The following ATP13A3 variants were observed in gnomAD, a reference collection of about 807,000 sequenced individuals.
ATP13A3 encodes the protein polyamine-transporting ATPase 13A3.
A neutral mutation model predicts 158.1 loss-of-function variants in ATP13A3; 59 were observed. The ratio of observed to expected loss-of-function variants is 0.37; its 90% CI spans 0.30 to 0.46. The LOEUF is 0.46. Among genes scored for constraint, ATP13A3 ranks in the 20% least tolerant of loss-of-function variants. The pLI, the probability that ATP13A3 is intolerant of heterozygous loss-of-function variation, is 1.00. For synonymous variants in ATP13A3, 491 were observed against 504.3 expected (o/e 0.97, Z 0.35); for missense variants, 1,166 against 1,525.2 (o/e 0.76, Z 3.92).
intron 33 of ATP13A3, 45 bp downstream of exon 33, chr3:194,412,154 G>T: frequency 7.1e-7 from 1 of 1,415,458 alleles, no homozygotes; most frequent in Non-Finnish European, 9.6e-7. Flanking sequence ...CAAGCAGAGA[G>T]CCTAGAGAGG....
intron 8 of ATP13A3, among the ~76,000 whole-genome samples, chr3:194,455,034 T>C (rs1719124005): frequency 6.6e-6 from 1 of 152,222 alleles, no homozygotes; most frequent in African/African-American, 2.4e-5. Context: ...TATTTCCAAT[T>C]ACTGTGCTCT....
intron 2 of ATP13A3, among the ~76,000 whole-genome samples, chr3:194,482,881 G>A (rs1394827520): frequency 6.6e-6 from 1 of 152,106 alleles, no homozygotes; most frequent in Non-Finnish European, 1.5e-5. Flanking sequence ...GCCGAGGCAG[G>A]CGGATCACAA....
At chr3:194,421,143 A>ATAC in intron 30 of ATP13A3, among the ~76,000 whole-genome samples, 1 of 48,700 alleles carries the variant, frequency 2.1e-5, no homozygotes, top group African/African-American at 1.8e-4. Context: ...TATAGTATAT[A>ATAC]TATATATATA....
intron 10 of ATP13A3, chr3:194,450,903 T>C (rs980793269): frequency 1.3e-5 from 2 of 152,170 alleles, no homozygotes; most frequent in Non-Finnish European, 2.9e-5. Flanking sequence ...AAAAAGATCT[T>C]CCCTCTGGTA....
rs1721166793 is a variant in ATP13A3 at position 194,493,338 on chromosome 3, C to T, written n.746+712G>A. On this transcript the variant is annotated intron_variant and non_coding_transcript_variant, in intron 2 of 32. Transcript: ENST00000687055. ...CAGATATCATCTCTAAATGCCTTCCCTGACTCCCAGGCTAAGAATCCCTCT... is the reference window on the plus strand; with the variant it reads ...CAGATATCATCTCTAAATGCCTTCCTTGACTCCCAGGCTAAGAATCCCTCT... 2.0e-5 allele frequency among the ~76,000 whole-genome samples: 3 copies of T among 152,096 alleles called. No homozygotes were observed. The South Asian group carries it at 6.2e-4, about 32-fold the overall frequency.
chr3:194,476,698 A>G (rs926208165), intron 2 of ATP13A3, among the ~76,000 whole-genome samples: 14 of 151,898 alleles, frequency 9.2e-5, no homozygotes, highest in Admixed American at 9.2e-4. Flanking sequence ...ATAAAACTTC[A>G]GTAGCTTCCC....
At chr3:194,471,304 C>T (rs1033481327) in intron 2 of ATP13A3, among the ~76,000 whole-genome samples, 12 of 128,556 alleles carry the variant, frequency 9.3e-5, no homozygotes, top group African/African-American at 3.7e-4. Flanking sequence ...TATAATACAG[C>T]GTTAAGTAGC....
At chr3:194,492,272 TCC>T (rs1721155445) in intron 2 of ATP13A3, among the ~76,000 whole-genome samples, 1 of 152,072 alleles carries the variant, frequency 6.6e-6, no homozygotes, top group Admixed American at 6.6e-5. Context: ...TTCTTTCCCT[TCC>T]CTTTTTTTCT....
rs533606238 is a variant in ATP13A3, at chr3:194,419,860, T to G, written c.3402+19A>C. 30 of 1,554,280 alleles carry G rather than the reference T, an allele frequency of 1.9e-5. No individual in the cohort carries two copies. In the African/African-American group the frequency reaches 3.7e-4, roughly 19 times the overall value. ...AGGTTAGTCTTTTTCCCCAAACAAA[T>G]GATGTGCTTAAGTCTTACCTGAAGA... On this transcript the variant is annotated intron_variant, in intron 31 of 33. Transcript: ENST00000645319.
In ATP13A3 at chr3:194,447,113, T is replaced by C. The variant is rs911568720; in HGVS notation, c.1311A>G (p.Val437=). ...YTIINSILNE[V]QVGVIIIESL... is the part of the protein sequence containing the mutation. ...ACTCGATAATTATGACCCCAACTTG[T>C]ACCTACAATTAACACAAAAATAAAT... is the stretch of plus-strand genomic sequence containing the variant. The change falls in exon 14 of 34, where the codon GTA becomes GTG. Residue 437 remains valine (V), a splice_region_variant and synonymous_variant. Coordinates refer to ENST00000645319, the MANE Select transcript of ATP13A3 (RefSeq NM_001367549.1). 3 of 1,600,284 alleles carry C rather than the reference T, an allele frequency of 1.9e-6. No homozygotes were observed.
intron 28 of ATP13A3, among the ~76,000 whole-genome samples, chr3:194,428,465 T>A (rs1160586872): frequency 6.6e-6 from 1 of 152,134 alleles, no homozygotes; most frequent in Non-Finnish European, 1.5e-5. Flanking sequence ...ATAAAGGACA[T>A]TGTTGACACA....
In ATP13A3 at chr3:194,457,144, T is replaced by C. The variant is rs1181621575; in HGVS notation, c.510A>G (p.Ser170=). The part of the protein sequence containing the change: ...KGLDEGVSCT[S]IYEKHSAGLT... ...GTCCTGCACTATGCTTTTCATAAAT[T>C]GACGTACAAGAAACACCTTCATCCA... is the stretch of plus-strand genomic sequence containing the variant. Residue 170 remains serine (S), a synonymous_variant, in exon 7 of 34, where the codon TCA becomes TCG. Coordinates refer to ENST00000645319, the MANE Select transcript of ATP13A3 (RefSeq NM_001367549.1). 4 of 1,613,590 alleles carry C rather than the reference T, an allele frequency of 2.5e-6. No homozygotes were observed. The highest frequency in any genetic ancestry group is 3.4e-6 in the Non-Finnish European group (4 of 1,179,674).
At position 194,447,835 on chromosome 3, in the gene ATP13A3, G is replaced by A; in HGVS notation, c.1308+17C>T. The A allele has an allele frequency of 6.3e-7, 1 of 1,589,810 alleles. No homozygotes were observed. Among genetic ancestry groups the A allele is most frequent in the Non-Finnish European group, 8.6e-7 (1 of 1,160,698 alleles). ...ATAATTGAGGTTCAAACCCTATTAA[G>A]AGTCCCACATACATACCTCATTTAA... On this transcript the variant is annotated intron_variant, in intron 13 of 33. Transcript: ENST00000645319.
At chr3:194,457,766 C>T (rs1719333042) in intron 6 of ATP13A3, among the ~76,000 whole-genome samples, 1 of 151,426 alleles carries the variant, frequency 6.6e-6, no homozygotes, top group African/African-American at 2.4e-5. Flanking sequence ...CTACTTTTTC[C>T]CAAAATATCT....
In ATP13A3 at chr3:194,459,332, G is replaced by A. The variant is rs545999466; in HGVS notation, c.479+139C>T. 19 of 660,984 alleles carry A rather than the reference G, an allele frequency of 2.9e-5. No homozygotes were observed. The East Asian group carries it at 4.5e-4, about 16-fold the overall frequency. 40.9% of individuals were successfully genotyped at this position (660,984 alleles called of 1,614,324 possible). On this transcript the variant is annotated intron_variant, in intron 6 of 33. Transcript: ENST00000645319. ...GCTAATGAGCCTTCAAACAGCAACA[G>A]GGAGTTGTTAATTAATACGTGAATA... is the stretch of plus-strand genomic sequence containing the variant.
Position 194,437,091 on chromosome 3 carries a change from T to A in ATP13A3, c.2120+4A>T, listed in dbSNP as rs1205387440. On this transcript the variant is annotated splice_donor_region_variant and intron_variant, in intron 20 of 33. Transcript: ENST00000645319. ...GGGAAACTAGGAAAGCCGTTCAACC[T>A]CACCTGCTAATATTCTGTACTTTAT... The A allele has an allele frequency of 6.2e-7, 1 of 1,613,290 alleles. No individual in the cohort carries two copies. The highest frequency in any genetic ancestry group is 8.5e-7 in the Non-Finnish European group (1 of 1,179,798).
At chr3:194,464,000 A>C (rs1362701884) in intron 2 of ATP13A3, among the ~76,000 whole-genome samples, 1 of 152,178 alleles carries the variant, frequency 6.6e-6, no homozygotes, top group Non-Finnish European at 1.5e-5. Flanking sequence ...CATCTTTACA[A>C]AAATACAAAA....
At position 194,448,119 on chromosome 3, in the gene ATP13A3, C is replaced by G; in HGVS notation, c.1151-110G>C. On this transcript the variant is annotated intron_variant, in intron 12 of 33. Coordinates refer to ENST00000645319, the MANE Select transcript of ATP13A3 (RefSeq NM_001367549.1). This position sits in a 1 kb window ranked among gnomAD's most constrained non-coding sequence, Gnocchi z 4.0. The stretch of plus-strand genomic sequence containing the variant: ...TTGAGACAGAGTCTCGCTCTGTCAC[C>G]CAGGCTGGAGTACAGTGGTGTGATC... The G allele has an allele frequency of 9.1e-7, 1 of 1,098,466 alleles. No homozygotes were observed. The highest frequency in any genetic ancestry group is 2.3e-5 in the Admixed American group (1 of 43,848). The allele number at this position is 1,098,466 out of a possible 1,614,324, so 68.0% of individuals were successfully genotyped here.
intron 15 of ATP13A3, among the ~76,000 whole-genome samples, chr3:194,443,291 A>G (rs1297848920): frequency 3.3e-5 from 5 of 152,224 alleles, no homozygotes; most frequent in Non-Finnish European, 2.9e-5. Flanking sequence ...AAAAGGCAGT[A>G]TTAACATCCA....
Sources: allele counts gnomAD v4.1 joint callset (sites outside exome capture counted in the v4.1 genomes callset), GRCh38; gene constraint gnomAD v4.1.1; non-coding constraint Gnocchi (gnomAD v3.1); transcripts MANE v1.5; gene names NCBI Gene and HGNC (gene_info 2026-07-23, HGNC 2026-07-21).